The following SPSB1 variants were observed in gnomAD, a reference collection of about 807,000 sequenced individuals.
The protein encoded by SPSB1 is splA/ryanodine receptor domain and SOCS box containing 1.
SPSB1 carries 8 observed loss-of-function variants against 21.2 expected under a neutral mutation model. The ratio of observed to expected loss-of-function variants is 0.38; its 90% CI spans 0.22 to 0.68. SPSB1 has a LOEUF of 0.68. Among genes scored for constraint, SPSB1 ranks in the 30% least tolerant of loss-of-function variants. The pLI is 0.53. For missense variants in SPSB1, 242 were observed against 377.8 expected (o/e 0.64, Z 2.98); for synonymous variants, 169 against 161.7 (o/e 1.05, Z -0.34).
intron 1 of SPSB1, among the ~76,000 whole-genome samples, chr1:9,349,226 G>A (rs376278962): frequency 2.0e-5 from 3 of 152,348 alleles, no homozygotes; most frequent in South Asian, 4.1e-4. Context: ...CTGAGGGTCC[G>A]GGCCATGGTT....
At chr1:9,316,537 G>A (rs1443250933) in intron 1 of SPSB1, among the ~76,000 whole-genome samples, 4 of 152,106 alleles carry the variant, frequency 2.6e-5, no homozygotes, top group African/African-American at 9.7e-5. Context: ...ATCACGCCTT[G>A]AGGTGCTGGA....
rs996409290 is a variant in SPSB1, at chr1:9,348,277, C to G, written c.-149-7466C>G. ...CCCTGGGCATCCCACAGCACTGTCT[C>G]GCTCCTGTCTCGGCGGTAGTGCTGT... is the stretch of plus-strand genomic sequence containing the variant. On this transcript the variant is annotated intron_variant, in intron 1 of 2. Coordinates refer to ENST00000328089, the MANE Select transcript of SPSB1 (RefSeq NM_025106.4). This position sits in a 1 kb window ranked among gnomAD's most constrained non-coding sequence, Gnocchi z 4.8. Among the ~76,000 whole-genome samples the G allele has an allele frequency of 3.3e-5, 5 of 152,056 alleles. No homozygotes were observed. Among genetic ancestry groups the G allele is most frequent in the Non-Finnish European group, 7.4e-5 (5 of 68,002 alleles).
In SPSB1 at chr1:9,317,428, G is replaced by A. The variant is rs1160655420; in HGVS notation, c.-150+24357G>A. Among the ~76,000 whole-genome samples the A allele has an allele frequency of 6.6e-6, 1 of 152,174 alleles. No individual in the cohort carries two copies. The highest frequency in any genetic ancestry group is 1.9e-4 in the East Asian group (1 of 5,200). ...GATTTGGTTTAGGTATCTGGGAGAA[G>A]GGGTGTGGGGGCGTGTGGTAGAGAT... On this transcript the variant is annotated intron_variant, in intron 1 of 2. Transcript: ENST00000328089. The surrounding 1 kb of genome is among the most constrained non-coding windows in gnomAD (Gnocchi z 4.3).
At chr1:9,325,238 GCC>G (rs1557453371) in intron 1 of SPSB1, among the ~76,000 whole-genome samples, 35 of 131,368 alleles carry the variant, frequency 2.7e-4, no homozygotes, top group African/African-American at 1.3e-3. Context: ...CCCCCCCCCC[GCC>G]CCGCCTCCAC....
chr1:9,365,893 C>T (rs941108228), intron 2 of SPSB1, among the ~76,000 whole-genome samples: 9 of 152,160 alleles, frequency 5.9e-5, no homozygotes, highest in Admixed American at 3.3e-4. Context: ...GGCGGCCCCA[C>T]GAAGGTCCAG....
chr1:9,341,709 T>C (rs1047030722), intron 1 of SPSB1, among the ~76,000 whole-genome samples: 5 of 152,164 alleles, frequency 3.3e-5, no homozygotes, highest in African/African-American at 1.2e-4. Flanking sequence ...TGTGTTTTTG[T>C]TTGTTTTTTT....
At chr1:9,330,533 G>A (rs1184212250) in intron 1 of SPSB1, among the ~76,000 whole-genome samples, 1 of 96,960 alleles carries the variant, frequency 1.0e-5, no homozygotes, top group Non-Finnish European at 2.1e-5. Flanking sequence ...CACCCCAAGG[G>A]AACCACAGTA....
intron 1 of SPSB1, among the ~76,000 whole-genome samples, chr1:9,316,773 T>TG (rs1639624088): frequency 6.6e-6 from 1 of 152,210 alleles, no homozygotes; most frequent in Admixed American, 6.5e-5. Flanking sequence ...GGTCTGGGTC[T>TG]GGGGGCCGCA....
At chr1:9,322,068 C>G (rs1639730249) in intron 1 of SPSB1, among the ~76,000 whole-genome samples, 1 of 152,114 alleles carries the variant, frequency 6.6e-6, no homozygotes, top group African/African-American at 2.4e-5. Flanking sequence ...GTGCACTCCC[C>G]GAGCACCCAT....
At chr1:9,328,142 AC>A (rs1260783552) in intron 1 of SPSB1, among the ~76,000 whole-genome samples, 2 of 151,844 alleles carry the variant, frequency 1.3e-5, no homozygotes, top group African/African-American at 2.4e-5. Context: ...ACACCTTTAC[AC>A]CCCCTCCTAT....
intron 1 of SPSB1, among the ~76,000 whole-genome samples, chr1:9,318,563 C>T (rs1456353383): frequency 6.6e-6 from 1 of 152,248 alleles, no homozygotes; most frequent in African/African-American, 2.4e-5. Flanking sequence ...GGACAAGTTA[C>T]TCAGCCTCTT....
At chr1:9,295,229 TGTGTGTGTGTGTGC>T (rs1557442083) in intron 1 of SPSB1, among the ~76,000 whole-genome samples, 41 of 151,280 alleles carry the variant, frequency 2.7e-4, no homozygotes, top group African/African-American at 5.1e-4. Context: ...TGTGTGTGTG[TGTGTGTGTGTGTGC>T]GCGCGTGCGG....
At chr1:9,361,156 C>CCTTTTTTTTTTTTTTTTTTTTTCTTTTT (rs1553128958) in intron 2 of SPSB1, among the ~76,000 whole-genome samples, 1 of 102,578 alleles carries the variant, frequency 9.7e-6, no homozygotes, top group African/African-American at 4.1e-5. Context: ...CTGTCATTTT[C>CCTTTTTTTTTTTTTTTTTTTTTCTTTTT]TTTTTTTTTT....
chr1:9,318,271 G>A (rs1317104747), intron 1 of SPSB1, among the ~76,000 whole-genome samples: 2 of 152,204 alleles, frequency 1.3e-5, no homozygotes, highest in East Asian at 1.9e-4. Flanking sequence ...TCCTCCGCCC[G>A]CTTGGGTCTC....
At chr1:9,365,395 G>A (rs1167691637) in intron 2 of SPSB1, among the ~76,000 whole-genome samples, 2 of 152,184 alleles carry the variant, frequency 1.3e-5, no homozygotes, top group Non-Finnish European at 2.9e-5. Context: ...GGGATTACAG[G>A]TATGAGCCAC....
At chr1:9,313,367 T>G (rs1639556538) in intron 1 of SPSB1, among the ~76,000 whole-genome samples, 2 of 152,156 alleles carry the variant, frequency 1.3e-5, no homozygotes, top group African/African-American at 4.8e-5. Flanking sequence ...ACCACTGCAC[T>G]CCAGCCTGGG....
In SPSB1 at chr1:9,309,826, T is replaced by C. The variant is rs1003835215; in HGVS notation, c.-150+16755T>C. 4.6e-5 allele frequency among the ~76,000 whole-genome samples: 7 copies of C among 152,070 alleles called. 1 individual carries two copies. The highest frequency in any genetic ancestry group is 4.6e-4 in the Admixed American group (7 of 15,276). Reference sequence around the variant, plus strand: ...CATTGCACTCCAGCCTGGGCAATAGTGTGTGACTTTGTCTCAAATAAATAC... The same window carrying C: ...CATTGCACTCCAGCCTGGGCAATAGCGTGTGACTTTGTCTCAAATAAATAC... On this transcript the variant is annotated intron_variant, in intron 1 of 2. Transcript: ENST00000328089.
intron 1 of SPSB1, among the ~76,000 whole-genome samples, chr1:9,313,317 T>C (rs1432784170): frequency 6.6e-6 from 1 of 152,136 alleles, no homozygotes. Flanking sequence ...GGAAAATCGC[T>C]TGGACCCGGG....
chr1:9,295,298 T>C (rs1445740389), intron 1 of SPSB1, among the ~76,000 whole-genome samples: 1 of 151,954 alleles, frequency 6.6e-6, no homozygotes, highest in Non-Finnish European at 1.5e-5. Flanking sequence ...TTACAAGTCT[T>C]CCTTTTCCAG....
Sources: allele counts gnomAD v4.1 joint callset (sites outside exome capture counted in the v4.1 genomes callset), GRCh38; gene constraint gnomAD v4.1.1; non-coding constraint Gnocchi (gnomAD v3.1); transcripts MANE v1.5; gene names NCBI Gene and HGNC (gene_info 2026-07-23, HGNC 2026-07-21).